The following WDR19 variants were observed in gnomAD, a reference collection of about 807,000 sequenced individuals.
The protein encoded by WDR19 is WD repeat domain 19.
A neutral mutation model predicts 180.0 loss-of-function variants in WDR19; 121 were observed. That is an observed-to-expected ratio of 0.67 (90% CI 0.58 to 0.78). The LOEUF is 0.78. WDR19 is among the 30% of genes least tolerant of loss of function. The probability of loss-of-function intolerance (pLI) is 0.00; values close to 1 mark genes in which losing one functional copy is unlikely to be tolerated. For missense variants in WDR19, 1,450 were observed against 1,640.7 expected (o/e 0.88, Z 2.01); for synonymous variants, 497 against 540.7 (o/e 0.92, Z 1.12).
At chr4:39,254,859 G>A (rs1351010059) in intron 26 of WDR19, among the ~76,000 whole-genome samples, 1 of 152,000 alleles carries the variant, frequency 6.6e-6, no homozygotes, top group Non-Finnish European at 1.5e-5. Context: ...ATGGTACCTC[G>A]TATAAGTGGA....
chr4:39,203,112 CT>C (rs553565048), intron 6 of WDR19, among the ~76,000 whole-genome samples: 356 of 135,616 alleles, frequency 2.6e-3, no homozygotes, highest in East Asian at 0.015. Context: ...CTTTTTCTTT[CT>C]TTTTTTTTTT....
At chr4:39,243,877 C>T (rs188440568) in intron 21 of WDR19, among the ~76,000 whole-genome samples, 107 of 152,004 alleles carry the variant, frequency 7.0e-4, no homozygotes, top group African/African-American at 2.5e-3. Context: ...TTCATCATGC[C>T]TCATAGAGCA....
chr4:39,249,067 A>G (rs1577988469), intron 24 of WDR19, among the ~76,000 whole-genome samples: 1 of 151,146 alleles, frequency 6.6e-6, no homozygotes, highest in East Asian at 1.9e-4. Flanking sequence ...TTCAGCAACT[A>G]TTCCAAAATT....
At position 39,268,030 on chromosome 4, in the gene WDR19, G is replaced by T; in HGVS notation, c.3297G>T (p.Leu1099=). The stretch of plus-strand genomic sequence containing the variant: ...ACCTGTTCCGCTTGTACATGGCTCT[G>T]AAGCAATACCGAGAAGCTGCCCAGA... ...AKYLFRLYMA[L]KQYREAAQTA... Residue 1099 remains leucine, a synonymous_variant, in exon 30 of 37, where the codon CTG becomes CTT. Transcript: ENST00000399820. 6.2e-7 allele frequency: 1 copy of T among 1,605,970 alleles called. No individual in the cohort carries two copies. The highest frequency in any genetic ancestry group is 8.5e-7 in the Non-Finnish European group (1 of 1,176,180).
chr4:39,279,656 G>A (rs1560571281), intron 36 of WDR19, among the ~76,000 whole-genome samples: 1 of 149,210 alleles, frequency 6.7e-6, no homozygotes, highest in African/African-American at 2.5e-5. Flanking sequence ...ACAAGCGTTC[G>A]TCTCTCCATT....
intron 2 of WDR19, 108 bp downstream of exon 2, chr4:39,185,925 T>C (rs1725482107): frequency 2.1e-6 from 2 of 953,414 alleles, no homozygotes; most frequent in South Asian, 1.9e-5. Flanking sequence ...AAATGGAGTC[T>C]AGCTTTGTTG....
intron 3 of WDR19, among the ~76,000 whole-genome samples, chr4:39,188,598 G>A (rs1370258167): frequency 2.0e-5 from 3 of 148,062 alleles, no homozygotes; most frequent in Admixed American, 6.7e-5. Context: ...CAGCCTGGGC[G>A]GCAGAGCCAG....
chr4:39,214,697 A>G (rs1306989646), intron 10 of WDR19, 26 bp downstream of exon 10: 1 of 1,385,974 alleles, frequency 7.2e-7, no homozygotes, highest in Non-Finnish European at 1.0e-6. Context: ...AAGCAGATTG[A>G]CATTTTATCA....
Position 39,217,973 on chromosome 4 carries a change from T to C in WDR19, c.1357-10T>C, listed in dbSNP as rs16995189. 5,972 of 1,613,314 alleles carry C rather than the reference T, an allele frequency of 3.7e-3. 139 individuals carry two copies. In the African/African-American group the frequency reaches 0.056, roughly 15 times the overall value. On this transcript the variant is annotated splice_polypyrimidine_tract_variant and intron_variant, in intron 13 of 36. Coordinates refer to ENST00000399820, the MANE Select transcript of WDR19 (RefSeq NM_025132.4). ...AAATCTGTGAGCCATTATTATTCTT[T>C]ACGTTTTAGATAGAAAGCGAAATCT...
chr4:39,253,525 C>T (rs183993389), intron 25 of WDR19, among the ~76,000 whole-genome samples: 1 of 152,234 alleles, frequency 6.6e-6, no homozygotes, highest in East Asian at 1.9e-4. Context: ...CACCTGTAAT[C>T]CCAGCACTTT....
Position 39,283,343 on chromosome 4 carries a change from T to A in WDR19, c.*14-2144T>A, listed in dbSNP as rs186983495. ...GATTATTTTGCTAATATTGAGAATA[T>A]TGTGTCTGTGTTCATGGGGGATACT... On this transcript the variant is annotated intron_variant, in intron 36 of 36. Coordinates refer to ENST00000399820, the MANE Select transcript of WDR19 (RefSeq NM_025132.4). Among the ~76,000 whole-genome samples, 21 of 152,310 alleles carry A rather than the reference T, an allele frequency of 1.4e-4. No homozygotes were observed. The East Asian group carries it at 2.7e-3, about 20-fold the overall frequency.
At chr4:39,282,463 T>C (rs1736641036) in intron 36 of WDR19, among the ~76,000 whole-genome samples, 1 of 152,192 alleles carries the variant, frequency 6.6e-6, no homozygotes, top group Non-Finnish European at 1.5e-5. Flanking sequence ...AATGATGCAA[T>C]CTCAGCTCGC....
chr4:39,206,204 A>G (rs1398877840), intron 9 of WDR19: 1 of 152,384 alleles, frequency 6.6e-6, no homozygotes, highest in African/African-American at 2.4e-5. Flanking sequence ...CTTTAAGGAA[A>G]CTCTCTGGTT....
chr4:39,194,507 C>T lies in WDR19; in HGVS notation c.291-37C>T, dbSNP rs28458249. On this transcript the variant is annotated intron_variant, in intron 4 of 36. Coordinates refer to ENST00000399820, the MANE Select transcript of WDR19 (RefSeq NM_025132.4). ...TAAAGGACTGTTTAGAGGTTATGAT[C>T]GTGAATTGTTTAGTAATTTATATCT... The T allele has an allele frequency of 7.4e-3, 10,332 of 1,387,736 alleles. 89 individuals are homozygous for T. The highest frequency in any genetic ancestry group is 0.039 in the African/African-American group (2,762 of 70,170). The allele number at this position is 1,387,736 out of a possible 1,614,324, so 86.0% of individuals were successfully genotyped here.
chr4:39,270,394 T>G (rs2109498823), intron 31 of WDR19, among the ~76,000 whole-genome samples: 1 of 152,316 alleles, frequency 6.6e-6, no homozygotes, highest in Non-Finnish European at 1.5e-5. Flanking sequence ...GTTTTGTTTT[T>G]GAGACGACGT....
intron 9 of WDR19, 103 bp downstream of exon 9, chr4:39,205,839 A>T (rs901573873): frequency 9.0e-7 from 1 of 1,114,696 alleles, no homozygotes; most frequent in Non-Finnish European, 1.2e-6. Context: ...CATGTTTACA[A>T]TTTAAAACGT....
chr4:39,280,486 A>G (rs2086752), intron 36 of WDR19, among the ~76,000 whole-genome samples: 76,589 of 151,044 alleles, frequency 0.51, 20,721 homozygotes, highest in African/African-American at 0.71. Flanking sequence ...TAGTAAGACC[A>G]TGTCCCTACA....
chr4:39,214,731 G>T (rs945214307), intron 10 of WDR19, 60 bp downstream of exon 10: 1 of 1,077,476 alleles, frequency 9.3e-7, no homozygotes, highest in African/African-American at 1.6e-5. Context: ...GAGTAAGGTT[G>T]TGTTTGTTAT....
chr4:39,281,230 T>TAGAGAGAGAGAGAGAGAGAG (rs796659495), intron 36 of WDR19, among the ~76,000 whole-genome samples: 86 of 97,092 alleles, frequency 8.9e-4, no homozygotes, highest in East Asian at 1.6e-3. Context: ...TATATATATA[T>TAGAGAGAGAGAGAGAGAGAG]ATATATAGAG....
Sources: gnomAD v4.1 joint callset for allele counts (sites outside exome capture counted in the v4.1 genomes callset) on GRCh38, gnomAD v4.1.1 for gene constraint, MANE v1.5 for transcripts, NCBI Gene and HGNC (gene_info 2026-07-23, HGNC 2026-07-21) for gene names.